The following CATSPERG variants were observed in gnomAD, a reference collection of about 807,000 sequenced individuals.
The protein encoded by CATSPERG is catsper channel auxiliary subunit gamma.
In CATSPERG, 115 loss-of-function variants were observed where a neutral mutation model predicts 145.0. The observed-to-expected ratio is 0.79, with a 90% CI of 0.68 to 0.93. CATSPERG has a LOEUF of 0.93. CATSPERG is among the 40% of genes least tolerant of loss of function. The pLI, the probability that CATSPERG is intolerant of heterozygous loss-of-function variation, is 0.00. For synonymous variants in CATSPERG, 588 were observed against 589.0 expected (o/e 1.00, Z 0.02); for missense variants, 1,296 against 1,490.1 (o/e 0.87, Z 2.14).
In CATSPERG at chr19:38,354,797, C is replaced by T. The variant is rs368645121; in HGVS notation, c.1085C>T (p.Ala362Val). 2.9e-5 allele frequency: 47 copies of T among 1,613,988 alleles called. No homozygotes were observed. The highest frequency in any genetic ancestry group is 3.9e-5 in the Non-Finnish European group (46 of 1,180,010). Residue 362 changes from alanine to valine, a missense_variant, in exon 9 of 29, where the codon GCC (alanine) becomes GTC (valine). Ala to Val is a moderately conservative substitution (Grantham distance 64, BLOSUM62 0). Transcript: ENST00000409235. The part of the protein sequence containing the change: ...FHSNGSEYIM[A>V]LTTGKHEGYV... ...AGCAATGGCTCTGAGTACATAATGG[C>T]CCTCACCACGGGCAAGCATGAGGGT...
intron 14 of CATSPERG, chr19:38,359,949 T>C: frequency 9.7e-7 from 1 of 1,033,858 alleles, no homozygotes; most frequent in Non-Finnish European, 1.2e-6. Context: ...CCTGGCCCCG[T>C]CTGGGGGCTT....
In CATSPERG at chr19:38,339,600, G is replaced by C. The variant is rs146220798; in HGVS notation, c.324+1954G>C. 9.0e-4 allele frequency among the ~76,000 whole-genome samples: 137 copies of C among 152,126 alleles called. 1 individual carries two copies. The East Asian group carries it at 0.026, about 29-fold the overall frequency. ...CCTGCCTCAGCCTCCTGAGTAGCAG[G>C]AATTAAAGTTTTTAATTTTGGTGAA... On this transcript the variant is annotated intron_variant, in intron 3 of 28. Coordinates refer to ENST00000409235, the MANE Select transcript of CATSPERG (RefSeq NM_021185.5).
Position 38,361,629 on chromosome 19 carries a change from C to A in CATSPERG, c.1881-19C>A. ...GGGTGCCTTAGAGCCAGCAGCCTTT[C>A]CCCCTTGCCACTGCCCAGGGGCTAC... On this transcript the variant is annotated intron_variant, in intron 16 of 28. Coordinates refer to ENST00000409235, the MANE Select transcript of CATSPERG (RefSeq NM_021185.5). 13 of 1,596,104 alleles carry A rather than the reference C, an allele frequency of 8.1e-6. No homozygotes were observed. Among genetic ancestry groups the A allele is most frequent in the Non-Finnish European group, 1.1e-5 (13 of 1,171,698 alleles).
chr19:38,351,486 T>A (rs1970138691), intron 7 of CATSPERG, among the ~76,000 whole-genome samples: 1 of 151,844 alleles, frequency 6.6e-6, no homozygotes, highest in Non-Finnish European at 1.5e-5. Context: ...TAGGTGCCTG[T>A]AGTCCCAGCT....
chr19:38,353,184 A>G (rs1970177560), intron 8 of CATSPERG, among the ~76,000 whole-genome samples: 1 of 151,772 alleles, frequency 6.6e-6, no homozygotes, highest in South Asian at 2.1e-4. Flanking sequence ...AAATACAAAA[A>G]TTAGCCGGGC....
chr19:38,343,894 C>A, intron 4 of CATSPERG, 99 bp from the exon 5 acceptor site: 1 of 1,459,086 alleles, frequency 6.9e-7, no homozygotes, highest in Non-Finnish European at 9.2e-7. Context: ...GGCGTGGAGG[C>A]AGGTATGGGG....
intron 20 of CATSPERG, among the ~76,000 whole-genome samples, chr19:38,364,491 A>G (rs1354561579): frequency 6.6e-6 from 1 of 151,706 alleles, no homozygotes. Context: ...GCAGCCAGGC[A>G]GAGACACTCC....
Position 38,358,528 on chromosome 19 carries a change from T to G in CATSPERG, c.1463T>G (p.Leu488Arg), listed in dbSNP as rs1380657431. ...KGIFCNPYNN[L>R]IFIWGNFLLQ... is the part of the protein sequence containing the mutation. ...ATCTTCTGTAACCCGTACAACAATC[T>G]GATCTTCATCTGGGGCAACTTCCTC... Residue 488 changes from leucine to arginine, a missense_variant, in exon 13 of 29, where the codon CTG becomes CGG. Coordinates refer to ENST00000409235, the MANE Select transcript of CATSPERG (RefSeq NM_021185.5). 1 of 1,614,070 alleles carries G rather than the reference T, an allele frequency of 6.2e-7. No individual in the cohort carries two copies. The highest frequency in any genetic ancestry group is 1.3e-5 in the African/African-American group (1 of 74,928).
In CATSPERG at chr19:38,367,332, C is replaced by T; in HGVS notation, c.2770+20C>T. 1 of 1,606,036 alleles carries T rather than the reference C, an allele frequency of 6.2e-7. No individual in the cohort carries two copies. The highest frequency in any genetic ancestry group is 8.5e-7 in the Non-Finnish European group (1 of 1,177,690). On this transcript the variant is annotated intron_variant, in intron 23 of 28. Transcript: ENST00000409235. ...GGGACAGTGTGTGTCCAGTCCCTTC[C>T]CCTGCACAGTTCACTGCCCTCTTGC...
In CATSPERG at chr19:38,356,816, T is replaced by C; in HGVS notation, c.1270T>C (p.Tyr424His). Residue 424 changes from tyrosine (Y) to histidine (H), a missense_variant, in exon 11 of 29, where the codon TAT (tyrosine) becomes CAT (histidine). Tyr to His is a moderately conservative substitution (Grantham distance 83). Coordinates refer to ENST00000409235, the MANE Select transcript of CATSPERG (RefSeq NM_021185.5). ...YTLLLLVESGYGNASKRFQVV... is the reference protein window; with the variant it reads ...YTLLLLVESGHGNASKRFQVV... ...TCTACTGCTGCTGGTGGAGAGTGGATATGGTAATGCAAGTAAACGTTTCCA... is the reference window on the plus strand; with the variant it reads ...TCTACTGCTGCTGGTGGAGAGTGGACATGGTAATGCAAGTAAACGTTTCCA... 1.9e-6 allele frequency: 3 copies of C among 1,614,096 alleles called. No homozygotes were observed. The South Asian group carries it at 3.3e-5, about 18-fold the overall frequency.
At chr19:38,370,481 A>G (rs988063495) in intron 28 of CATSPERG, 45 bp from the exon 29 acceptor site, 10 of 1,612,068 alleles carry the variant, frequency 6.2e-6, no homozygotes, top group Non-Finnish European at 8.5e-6. Context: ...TGGACTGTGT[A>G]CCTTATCATG....
chr19:38,356,082 T>A (rs1054975999), intron 9 of CATSPERG, among the ~76,000 whole-genome samples: 7 of 152,154 alleles, frequency 4.6e-5, no homozygotes, highest in Non-Finnish European at 8.8e-5. Flanking sequence ...AGTTTATTAT[T>A]ATTGGTCCTA....
chr19:38,361,753 G>A lies in CATSPERG; in HGVS notation c.1986G>A (p.Ala662=), dbSNP rs771154475. Residue 662 remains alanine, a synonymous_variant, in exon 17 of 29, where the codon GCG becomes GCA. Transcript: ENST00000409235. The part of the protein sequence containing the change: ...QRYTRQERYR[A]RPPRVLERSG... ...ACACGCGCCAGGAGCGCTACCGGGC[G>A]CGGCCGCCGCGCGTCCTGGAGCGCT... The A allele has an allele frequency of 4.0e-5, 65 of 1,611,130 alleles. No homozygotes were observed. Among genetic ancestry groups the A allele is most frequent in the Admixed American group, 5.0e-5 (3 of 59,770 alleles).
intron 7 of CATSPERG, among the ~76,000 whole-genome samples, chr19:38,350,534 C>T (rs1040729379): frequency 6.6e-6 from 1 of 152,138 alleles, no homozygotes; most frequent in Non-Finnish European, 1.5e-5. Flanking sequence ...CGTGTCACCA[C>T]GTCCAGCCAA....
At chr19:38,360,418 G>A (rs1970323525) in intron 14 of CATSPERG, 71 bp from the exon 15 acceptor site, 2 of 1,590,800 alleles carry the variant, frequency 1.3e-6, no homozygotes, top group African/African-American at 2.7e-5. Flanking sequence ...CACCACACTG[G>A]GCAGAGGGTG....
At chr19:38,359,340 T>C in intron 13 of CATSPERG, 130 bp from the exon 14 acceptor site, 2 of 570,898 alleles carry the variant, frequency 3.5e-6, no homozygotes, top group Middle Eastern at 3.3e-4. Flanking sequence ...GGGCGGGAGC[T>C]AGGATTTCAA....
chr19:38,337,699 C>A, intron 3 of CATSPERG, 53 bp downstream of exon 3: 1 of 1,392,692 alleles, frequency 7.2e-7, no homozygotes, highest in Non-Finnish European at 9.7e-7. Context: ...GTTTTCCCAC[C>A]TCTAACATTT....
intron 11 of CATSPERG, chr19:38,357,995 A>G (rs571272839): frequency 6.0e-5 from 23 of 384,006 alleles, no homozygotes; most frequent in Admixed American, 4.0e-4. Context: ...GTGTGCGCCT[A>G]TAATCCCAGC....
chr19:38,365,732 T>A (rs73043037), intron 22 of CATSPERG: 44,796 of 149,504 alleles, frequency 0.3, 7,297 homozygotes, highest in East Asian at 0.59. Flanking sequence ...TTTTTAACGA[T>A]GTCTCACTCT....
Sources: allele counts gnomAD v4.1 joint callset (sites outside exome capture counted in the v4.1 genomes callset), GRCh38; gene constraint gnomAD v4.1.1; transcripts MANE v1.5; gene names NCBI Gene and HGNC (gene_info 2026-07-23, HGNC 2026-07-21).